Variants in UGT1A9 observed in about 807,000 individuals in gnomAD.
The protein encoded by UGT1A9 is UDP-glucuronosyltransferase 1A9.
UGT1A9 carries 35 observed loss-of-function variants against 45.0 expected under a neutral mutation model. The observed-to-expected ratio is 0.78, with a 90% CI of 0.59 to 1.03. The LOEUF is 1.03. Ranked by LOEUF, UGT1A9 falls within the 50% of genes least tolerant of loss-of-function variation. The pLI, the probability that UGT1A9 is intolerant of heterozygous loss-of-function variation, is 0.00. For synonymous variants in UGT1A9, 278 were observed against 250.6 expected (o/e 1.11, Z -1.03); for missense variants, 687 against 666.6 (o/e 1.03, Z -0.34).
At chr2:233,737,836 G>A (rs1690606098) in intron 1 of UGT1A9, among the ~76,000 whole-genome samples, 1 of 151,904 alleles carries the variant, frequency 6.6e-6, no homozygotes, top group African/African-American at 2.4e-5. Flanking sequence ...TGGGAACTGT[G>A]GCACAGGTCA....
chr2:233,674,800 A>G (rs1252916082), intron 1 of UGT1A9, among the ~76,000 whole-genome samples: 2 of 152,206 alleles, frequency 1.3e-5, no homozygotes, highest in African/African-American at 4.8e-5. Context: ...GGAATTCAGA[A>G]CTCAAAGAAG....
At chr2:233,754,446 C>T in intron 1 of UGT1A9, 1 of 350,362 alleles carries the variant, frequency 2.9e-6, no homozygotes, top group Non-Finnish European at 5.6e-6. Context: ...TTTATAAATT[C>T]TTGGGTACAG....
At chr2:233,693,999 C>T (rs998563959) in intron 1 of UGT1A9, 32 of 1,494,952 alleles carry the variant, frequency 2.1e-5, no homozygotes, top group Non-Finnish European at 2.5e-5. Flanking sequence ...ATACCCGGCT[C>T]GGAGCAGCGG....
At chr2:233,691,294 G>A in intron 1 of UGT1A9, 1 of 985,516 alleles carries the variant, frequency 1.0e-6, no homozygotes. Flanking sequence ...ATTGTAAGCT[G>A]CCAATCCTCT....
In UGT1A9 at chr2:233,761,069, T is replaced by C. The variant is rs772142239; in HGVS notation, c.856-5965T>C. Reference sequence around the variant, plus strand: ...GTCTGGCTGTTTAGAAGTGACTTTGTGAAGGATTACCCTAGGCCCATCATG... The same window carrying C: ...GTCTGGCTGTTTAGAAGTGACTTTGCGAAGGATTACCCTAGGCCCATCATG... On this transcript the variant is annotated intron_variant, in intron 1 of 4. Coordinates refer to ENST00000354728, the MANE Select transcript of UGT1A9 (RefSeq NM_021027.3). 13 of 1,614,208 alleles carry C rather than the reference T, an allele frequency of 8.1e-6. No homozygotes were observed. In the East Asian group the frequency reaches 2.7e-4, roughly 33 times the overall value.
At chr2:233,697,247 A>G (rs1425616459) in intron 1 of UGT1A9, among the ~76,000 whole-genome samples, 1 of 152,056 alleles carries the variant, frequency 6.6e-6, no homozygotes, top group Non-Finnish European at 1.5e-5. Flanking sequence ...TTACTGCTTC[A>G]ATCTTGTTAC....
intron 1 of UGT1A9, chr2:233,713,399 C>T (rs2076318102): frequency 1.2e-6 from 2 of 1,614,000 alleles, no homozygotes; most frequent in Non-Finnish European, 1.7e-6. Flanking sequence ...ATAATGAGGC[C>T]CTGATCAGGC....
intron 1 of UGT1A9, among the ~76,000 whole-genome samples, chr2:233,684,868 A>T (rs1195910758): frequency 6.6e-6 from 1 of 152,194 alleles, no homozygotes; most frequent in East Asian, 1.9e-4. Context: ...TTCTTGTTTC[A>T]TATGGGCAGG....
chr2:233,680,437 A>C (rs1169145229), intron 1 of UGT1A9, among the ~76,000 whole-genome samples: 2 of 152,190 alleles, frequency 1.3e-5, no homozygotes, highest in Non-Finnish European at 2.9e-5. Flanking sequence ...TATGTACTAG[A>C]GGAAAGTGAC....
chr2:233,703,438 T>C (rs182684854), intron 1 of UGT1A9, among the ~76,000 whole-genome samples: 291 of 152,278 alleles, frequency 1.9e-3, no homozygotes, highest in African/African-American at 6.5e-3. Context: ...TCTCTATTTC[T>C]ATGTCGTTAA....
chr2:233,760,387 C>T (rs756175438), intron 1 of UGT1A9: 3 of 1,614,166 alleles, frequency 1.9e-6, no homozygotes, highest in Non-Finnish European at 1.7e-6. Flanking sequence ...ACTGTTGATC[C>T]CAGTGGATGG....
At chr2:233,735,813 T>C (rs1312279736) in intron 1 of UGT1A9, among the ~76,000 whole-genome samples, 1 of 152,232 alleles carries the variant, frequency 6.6e-6, no homozygotes, top group Non-Finnish European at 1.5e-5. Flanking sequence ...AAAATTCTTT[T>C]CTTTAAGAAT....
At chr2:233,762,023 TA>T (rs1176936322) in intron 1 of UGT1A9, among the ~76,000 whole-genome samples, 2 of 152,334 alleles carry the variant, frequency 1.3e-5, no homozygotes, top group Non-Finnish European at 2.9e-5. Flanking sequence ...ATTTGTATTT[TA>T]TTTTTTTTAA....
At chr2:233,740,411 T>A (rs1191187066) in intron 1 of UGT1A9, among the ~76,000 whole-genome samples, 1 of 151,958 alleles carries the variant, frequency 6.6e-6, no homozygotes. Context: ...TGGGGAAGTC[T>A]CTCTACCTGT....
Position 233,755,090 on chromosome 2 carries a change from C to G in UGT1A9, c.856-11944C>G, listed in dbSNP as rs778198655. On this transcript the variant is annotated intron_variant, in intron 1 of 4. Transcript: ENST00000354728. ...CATAGCGGTCATAGATATCGCGTTT[C>G]TACGCGTCCGACAACACCTCGTAGG... 4 of 1,336,104 alleles carry G rather than the reference C, an allele frequency of 3.0e-6. No homozygotes were observed. The South Asian group carries it at 4.6e-5, about 15-fold the overall frequency. The allele number at this position is 1,336,104 out of a possible 1,614,324, so 82.8% of individuals were successfully genotyped here. A position where few individuals can be genotyped will look rare whatever the true frequency, so the allele number is the denominator to read the frequency against.
At chr2:233,691,665 G>C (rs1350130667) in intron 1 of UGT1A9, 10 of 981,466 alleles carry the variant, frequency 1.0e-5, no homozygotes, top group African/African-American at 1.8e-5. Flanking sequence ...CCCTTTCTGG[G>C]CCTCAGTTGA....
intron 1 of UGT1A9, among the ~76,000 whole-genome samples, chr2:233,720,300 G>A (rs2076846492): frequency 6.6e-6 from 1 of 152,266 alleles, no homozygotes. Context: ...GGAGTTGGGG[G>A]TCTGGTGTAT....
intron 1 of UGT1A9, among the ~76,000 whole-genome samples, chr2:233,745,130 TG>T (rs1693021871): frequency 6.6e-6 from 1 of 151,922 alleles, no homozygotes; most frequent in Admixed American, 6.5e-5. Flanking sequence ...AATCTGCAGA[TG>T]TGAAGCCCAA....
At chr2:233,728,384 G>T (rs533416663) in intron 1 of UGT1A9, among the ~76,000 whole-genome samples, 3 of 152,276 alleles carry the variant, frequency 2.0e-5, no homozygotes, top group Admixed American at 1.3e-4. Flanking sequence ...TCTTTGCTAG[G>T]GTTGTCTTGC....
Sources: allele counts gnomAD v4.1 joint callset (sites outside exome capture counted in the v4.1 genomes callset), GRCh38; gene constraint gnomAD v4.1.1; transcripts MANE v1.5; gene names NCBI Gene and HGNC (gene_info 2026-07-23, HGNC 2026-07-21).